WWOX: variants seen among roughly 807,000 people sequenced by gnomAD.
The protein encoded by WWOX is WW domain-containing oxidoreductase.
In WWOX, 69 loss-of-function variants were observed where a neutral mutation model predicts 46.2. That is an observed-to-expected ratio of 1.49 (90% CI 1.23 to 1.82). The LOEUF (loss-of-function observed/expected upper bound fraction) is 1.82. Among genes scored for constraint, WWOX ranks in the 40% most tolerant of loss-of-function variants. The pLI is 0.00. For missense variants in WWOX, 919 were observed against 542.6 expected, an observed-to-expected ratio of 1.69 and a Z score of -6.89; for synonymous variants, 359 against 202.6, an observed-to-expected ratio of 1.77 and a Z score of -6.56.
At chr16:78,869,837 G>C (rs1283361097) in intron 8 of WWOX, among the ~76,000 whole-genome samples, 1 of 152,210 alleles carries the variant, frequency 6.6e-6, no homozygotes, top group African/African-American at 2.4e-5. Flanking sequence ...GTAAGTTTGT[G>C]TGTGTATGTT....
intron 8 of WWOX, among the ~76,000 whole-genome samples, chr16:78,877,955 A>T (rs1269852365): frequency 6.6e-6 from 1 of 152,166 alleles, no homozygotes; most frequent in East Asian, 1.9e-4. Context: ...GTTCAATTGC[A>T]AATCCCCTCT....
At chr16:78,379,852 C>G (rs1416009488) in intron 5 of WWOX, among the ~76,000 whole-genome samples, 1 of 152,138 alleles carries the variant, frequency 6.6e-6, no homozygotes. Context: ...GGCCTGTTGC[C>G]TTGAGATGTT....
intron 8 of WWOX, among the ~76,000 whole-genome samples, chr16:79,057,146 C>G (rs1032172617): frequency 6.6e-6 from 1 of 152,178 alleles, no homozygotes; most frequent in Non-Finnish European, 1.5e-5. Flanking sequence ...CTCTAACACA[C>G]TGAGAGTCGT....
At chr16:78,391,541 G>A (rs574641249) in intron 6 of WWOX, among the ~76,000 whole-genome samples, 2 of 152,166 alleles carry the variant, frequency 1.3e-5, no homozygotes, top group African/African-American at 2.4e-5. Flanking sequence ...TATTGGTTAT[G>A]TATTGCCGAG....
At chr16:78,891,208 A>T (rs1022559349) in intron 8 of WWOX, 3 of 152,046 alleles carry the variant, frequency 2.0e-5, no homozygotes, top group Non-Finnish European at 4.4e-5. Context: ...CTTTTGTCTC[A>T]GTCCCATCTG....
intron 4 of WWOX, among the ~76,000 whole-genome samples, chr16:78,148,822 T>A (rs546218229): frequency 7.8e-6 from 1 of 128,676 alleles, no homozygotes; most frequent in South Asian, 2.5e-4. Context: ...GGCGTGAACC[T>A]GGGAGGCGGA....
intron 6 of WWOX, 89 bp from the exon 7 acceptor site, chr16:78,424,781 G>T: frequency 1.4e-6 from 2 of 1,418,772 alleles, no homozygotes; most frequent in Admixed American, 3.3e-5. Context: ...TAGTGTTTAT[G>T]TCCACATCAC....
chr16:79,035,585 C>T (rs193226715), intron 8 of WWOX, among the ~76,000 whole-genome samples: 1 of 152,272 alleles, frequency 6.6e-6, no homozygotes, highest in Non-Finnish European at 1.5e-5. Flanking sequence ...ATCATCCAGG[C>T]TGGAGTGTGG....
chr16:78,561,960 A>G (rs998653305), intron 8 of WWOX, among the ~76,000 whole-genome samples: 4 of 129,966 alleles, frequency 3.1e-5, no homozygotes, highest in South Asian at 4.8e-4. Context: ...AAAAAGCGCA[A>G]TGACTTTTGC....
rs527580527 is a variant in WWOX at position 78,776,695 on chromosome 16, T to A, written c.1056+343943T>A. On this transcript the variant is annotated intron_variant, in intron 8 of 8. Transcript: ENST00000566780. ...AAAAGAGGTTTAATTGACTCACAAT[T>A]CTGCATGGTCGGGGAAGCCTCAGAA... is the stretch of plus-strand genomic sequence containing the variant. Among the ~76,000 whole-genome samples the A allele has an allele frequency of 5.3e-5, 8 of 152,222 alleles. No individual in the cohort carries two copies. The South Asian group carries it at 1.5e-3, about 28-fold the overall frequency.
At chr16:78,523,323 G>T (rs957563052) in intron 8 of WWOX, among the ~76,000 whole-genome samples, 1 of 152,212 alleles carries the variant, frequency 6.6e-6, no homozygotes, top group African/African-American at 2.4e-5. Flanking sequence ...GCTGTAAACT[G>T]GATCCCCTGC....
intron 8 of WWOX, among the ~76,000 whole-genome samples, chr16:78,905,831 A>G (rs966102342): frequency 1.3e-5 from 2 of 152,166 alleles, no homozygotes; most frequent in Non-Finnish European, 2.9e-5. Context: ...CTGGATTTCA[A>G]ATGCTAGTTG....
At chr16:78,404,132 C>A (rs1167308746) in intron 6 of WWOX, among the ~76,000 whole-genome samples, 1 of 151,974 alleles carries the variant, frequency 6.6e-6, no homozygotes, top group African/African-American at 2.4e-5. Flanking sequence ...GCAAATGGTA[C>A]CTAAATGACT....
At chr16:78,137,414 A>G (rs550804445) in intron 4 of WWOX, among the ~76,000 whole-genome samples, 1 of 152,292 alleles carries the variant, frequency 6.6e-6, no homozygotes, top group South Asian at 2.1e-4. Flanking sequence ...TGACGTCAGC[A>G]TCACAGAGTT....
chr16:78,354,710 T>C (rs1400786532), intron 5 of WWOX, among the ~76,000 whole-genome samples: 6 of 63,776 alleles, frequency 9.4e-5, no homozygotes, highest in Non-Finnish European at 1.9e-4. Context: ...AGGTAAACTG[T>C]TTTGTTTGTC....
Position 78,764,578 on chromosome 16 carries a change from C to T in WWOX, c.1056+331826C>T, listed in dbSNP as rs185706233. On this transcript the variant is annotated intron_variant, in intron 8 of 8. Coordinates refer to ENST00000566780, the MANE Select transcript of WWOX (RefSeq NM_016373.4). ...CTTTGGCCTTCATCTGTTACTCGCT[C>T]ACATGTGCCGTGCCCCGGGTGGGTT... 2.5e-3 allele frequency among the ~76,000 whole-genome samples: 346 copies of T among 138,358 alleles called. 3 individuals carry two copies. Among genetic ancestry groups the T allele is most frequent in the Non-Finnish European group, 4.2e-3 (273 of 64,968 alleles). 90.8% of individuals were successfully genotyped at this position (138,358 alleles called of 152,430 possible).
At chr16:79,125,047 C>CT (rs1302169301) in intron 8 of WWOX, among the ~76,000 whole-genome samples, 27,198 of 86,224 alleles carry the variant, frequency 0.32, 2,924 homozygotes, top group African/African-American at 0.38. Context: ...ATTTTCCCAT[C>CT]TTTTTTTTTT....
intron 8 of WWOX, chr16:78,496,563 A>G (rs1225593248): frequency 6.6e-6 from 1 of 152,210 alleles, no homozygotes; most frequent in Non-Finnish European, 1.5e-5. Context: ...TTGAATCTCC[A>G]TGGACATGTT....
chr16:78,636,837 C>T (rs1021365992), intron 8 of WWOX, among the ~76,000 whole-genome samples: 10 of 152,162 alleles, frequency 6.6e-5, no homozygotes, highest in Non-Finnish European at 1.2e-4. Context: ...CCTTCAGATA[C>T]GCTCTTCATG....
Sources: gnomAD v4.1 joint callset for allele counts (sites outside exome capture counted in the v4.1 genomes callset) on GRCh38, gnomAD v4.1.1 for gene constraint, MANE v1.5 for transcripts, NCBI Gene and HGNC (gene_info 2026-07-23, HGNC 2026-07-21) for gene names.